Variants in DMC1 observed in about 807,000 individuals in gnomAD.
DMC1 encodes the protein meiotic recombination protein DMC1 homolog.
A neutral mutation model predicts 50.1 loss-of-function variants in DMC1; 27 were observed. That is an observed-to-expected ratio of 0.54 (90% confidence interval 0.40 to 0.74). The LOEUF is 0.74. Among genes scored for constraint, DMC1 ranks in the 30% least tolerant of loss-of-function variants. The pLI, the probability that DMC1 is intolerant of heterozygous loss-of-function variation, is 0.00. For synonymous variants in DMC1, 148 were observed against 136.1 expected, an observed-to-expected ratio of 1.09 and a Z score of -0.61; for missense variants, 295 against 420.2, an observed-to-expected ratio of 0.70 and a Z score of 2.60.
chr22:38,530,260 G>A (rs2090139204), intron 12 of DMC1, among the ~76,000 whole-genome samples: 1 of 151,756 alleles, frequency 6.6e-6, no homozygotes, highest in South Asian at 2.1e-4. Context: ...AGCCATGCCT[G>A]GCAGGGGAGG....
At chr22:38,543,828 C>T (rs1212814312) in intron 8 of DMC1, among the ~76,000 whole-genome samples, 3 of 152,284 alleles carry the variant, frequency 2.0e-5, no homozygotes, top group African/African-American at 7.2e-5. Context: ...TCCTAACCAT[C>T]CTTCCTGCCA....
chr22:38,531,722 G>A (rs1187968935), intron 12 of DMC1, among the ~76,000 whole-genome samples: 1 of 151,952 alleles, frequency 6.6e-6, no homozygotes, highest in African/African-American at 2.4e-5. Flanking sequence ...ATTCAGCTAG[G>A]TGGAGGAGAT....
intron 5 of DMC1, among the ~76,000 whole-genome samples, chr22:38,560,096 T>C (rs1291302125): frequency 6.6e-6 from 1 of 151,848 alleles, no homozygotes; most frequent in Non-Finnish European, 1.5e-5. Context: ...TATTAAATGG[T>C]ATGGATAAAA....
At chr22:38,543,785 C>T (rs1569161768) in intron 8 of DMC1, among the ~76,000 whole-genome samples, 1 of 152,146 alleles carries the variant, frequency 6.6e-6, no homozygotes, top group Non-Finnish European at 1.5e-5. Flanking sequence ...CCCTGGTCAC[C>T]TGCTCTGACC....
chr22:38,529,507 C>T (rs780911806), intron 12 of DMC1, among the ~76,000 whole-genome samples: 1 of 152,046 alleles, frequency 6.6e-6, no homozygotes, highest in Non-Finnish European at 1.5e-5. Context: ...GAGAATATTT[C>T]ACTTCTCCCC....
chr22:38,565,372 G>A lies in DMC1; in HGVS notation c.243+1218C>T, dbSNP rs150095066. 5.6e-4 allele frequency among the ~76,000 whole-genome samples: 85 copies of A among 152,296 alleles called. No individual in the cohort carries two copies. The East Asian group carries it at 0.013, about 23-fold the overall frequency. On this transcript the variant is annotated intron_variant, in intron 4 of 13. Coordinates refer to ENST00000216024, the MANE Select transcript of DMC1 (RefSeq NM_007068.4). ...TCCATAAGACATGGCCCACCAATGT[G>A]CCATGTCAGTTTACCATTGCTATGG...
At chr22:38,568,399 G>GCA in intron 1 of DMC1, 110 bp from the exon 2 acceptor site, 1 of 768,774 alleles carries the variant, frequency 1.3e-6, no homozygotes, top group Non-Finnish European at 2.2e-6. Flanking sequence ...CATTTAGCTT[G>GCA]GAAAGATGAG....
intron 5 of DMC1, among the ~76,000 whole-genome samples, chr22:38,555,989 G>A (rs183606656): frequency 7.8e-4 from 118 of 151,972 alleles, no homozygotes; most frequent in Middle Eastern, 3.4e-3. Flanking sequence ...CTGCCACCAC[G>A]CCAGGCTAAT....
At position 38,549,980 on chromosome 22, in the gene DMC1, C is replaced by T; in HGVS notation, c.439G>A (p.Gly147Arg). 1 of 1,613,442 alleles carries T rather than the reference C, an allele frequency of 6.2e-7. No homozygotes were observed. The highest frequency in any genetic ancestry group is 8.5e-7 in the Non-Finnish European group (1 of 1,179,574). Residue 147 changes from glycine (G) to arginine (R), a missense_variant, in exon 8 of 14, where the codon GGA (glycine) becomes AGA (arginine). Coordinates refer to ENST00000216024, the MANE Select transcript of DMC1 (RefSeq NM_007068.4). ...TTTCCTCCTGGGTAGCCACCAGCTC[C>T]TGGAAGTTGAGCTGTCACTAGGAAG... ...HTLCVTAQLPGAGGYPGGKII... is the reference protein window; with the variant it reads ...HTLCVTAQLPRAGGYPGGKII...
chr22:38,558,207 G>A (rs1411857763), intron 5 of DMC1, among the ~76,000 whole-genome samples: 1 of 151,244 alleles, frequency 6.6e-6, no homozygotes, highest in African/African-American at 2.4e-5. Context: ...GCCTCCCAAA[G>A]TGTTGGGATT....
At chr22:38,537,730 G>T in intron 11 of DMC1, 78 bp from the exon 12 acceptor site, 1 of 1,084,962 alleles carries the variant, frequency 9.2e-7, no homozygotes, top group Non-Finnish European at 1.4e-6. Flanking sequence ...AGATTTCAGA[G>T]TTTAGACATA....
At chr22:38,533,395 C>CAAAAAAAA (rs1296043692) in intron 12 of DMC1, among the ~76,000 whole-genome samples, 1 of 38,454 alleles carries the variant, frequency 2.6e-5, no homozygotes, top group Non-Finnish European at 6.0e-5. Context: ...GACTCCATCA[C>CAAAAAAAA]AAAAAAAAAA....
At chr22:38,547,616 C>T (rs2090357503) in intron 8 of DMC1, among the ~76,000 whole-genome samples, 1 of 152,104 alleles carries the variant, frequency 6.6e-6, no homozygotes, top group African/African-American at 2.4e-5. Context: ...TCTCGGCTCA[C>T]CGCAACCTCC....
chr22:38,530,566 G>C (rs1247246694), intron 12 of DMC1, among the ~76,000 whole-genome samples: 1 of 151,954 alleles, frequency 6.6e-6, no homozygotes, highest in African/African-American at 2.4e-5. Context: ...GTTACATTGG[G>C]GTCACATGAG....
chr22:38,547,417 C>G (rs1184979729), intron 8 of DMC1, among the ~76,000 whole-genome samples: 1 of 152,174 alleles, frequency 6.6e-6, no homozygotes, highest in South Asian at 2.1e-4. Flanking sequence ...GAGTACTGAG[C>G]TTGGAGAGGC....
intron 8 of DMC1, among the ~76,000 whole-genome samples, chr22:38,544,769 G>C (rs1046419478): frequency 6.7e-6 from 1 of 149,010 alleles, no homozygotes; most frequent in African/African-American, 2.5e-5. Context: ...GGGACTACAG[G>C]CACGTGCCAC....
chr22:38,522,853 T>C (rs1413634353), intron 12 of DMC1, among the ~76,000 whole-genome samples: 2 of 152,178 alleles, frequency 1.3e-5, no homozygotes, highest in African/African-American at 4.8e-5. Context: ...GATAAGAAGC[T>C]CTTTGGTAAA....
At chr22:38,521,086 G>T (rs2090019846) in intron 13 of DMC1, among the ~76,000 whole-genome samples, 1 of 152,028 alleles carries the variant, frequency 6.6e-6, no homozygotes, top group South Asian at 2.1e-4. Context: ...AAAGAATATA[G>T]GGTATAATAT....
At chr22:38,518,441 A>G (rs2089991229), downstream of DMC1, among the ~76,000 whole-genome samples, 2 of 152,196 alleles carry the variant, frequency 1.3e-5, no homozygotes, top group South Asian at 2.1e-4. Flanking sequence ...AGCGCTTAGC[A>G]TTAATAATAA....
Sources: gnomAD v4.1 joint callset for allele counts (sites outside exome capture counted in the v4.1 genomes callset) on GRCh38, gnomAD v4.1.1 for gene constraint, MANE v1.5 for transcripts, NCBI Gene and HGNC (gene_info 2026-07-23, HGNC 2026-07-21) for gene names.